Variants in MSI2 observed in about 807,000 individuals in gnomAD.
MSI2 encodes the protein musashi RNA binding protein 2.
A neutral mutation model predicts 45.6 loss-of-function variants in MSI2; 17 were observed. That is an observed-to-expected ratio of 0.37 (90% CI 0.26 to 0.56). The LOEUF is 0.56. Ranked by LOEUF, MSI2 falls within the 20% of genes least tolerant of loss-of-function variation. The probability of loss-of-function intolerance (pLI) is 0.77; values close to 1 mark genes in which losing one functional copy is unlikely to be tolerated. For missense variants in MSI2, 293 were observed against 444.2 expected (o/e 0.66, Z 3.06); for synonymous variants, 156 against 158.2 (o/e 0.99, Z 0.11).
rs564583225 is a variant in MSI2 at position 57,673,500 on chromosome 17, C to T, written c.791-1472C>T. On this transcript the variant is annotated intron_variant, in intron 11 of 13. Coordinates refer to ENST00000284073, the MANE Select transcript of MSI2 (RefSeq NM_138962.4). ...TCTCAGAATGTCTGGTTCTTTAAGA[C>T]GGGTTAGCCGTAGCCCAAAGGTAGC... Among the ~76,000 whole-genome samples the T allele has an allele frequency of 5.4e-4, 82 of 152,284 alleles. 1 individual carries two copies. Among genetic ancestry groups the T allele is most frequent in the Admixed American group, 2.7e-3 (41 of 15,300 alleles).
At chr17:57,498,222 T>G (rs1249817472) in intron 6 of MSI2, among the ~76,000 whole-genome samples, 1 of 152,268 alleles carries the variant, frequency 6.6e-6, no homozygotes, top group African/African-American at 2.4e-5. Context: ...TTTTTCTTGC[T>G]GCAACAAGGC....
intron 5 of MSI2, among the ~76,000 whole-genome samples, chr17:57,324,552 A>T (rs564381599): frequency 6.6e-6 from 1 of 152,306 alleles, no homozygotes; most frequent in African/African-American, 2.4e-5. Flanking sequence ...ATGGATACTT[A>T]TATCTATGTC....
At chr17:57,326,107 G>A (rs1266858958) in intron 5 of MSI2, among the ~76,000 whole-genome samples, 1 of 152,106 alleles carries the variant, frequency 6.6e-6, no homozygotes, top group Non-Finnish European at 1.5e-5. Context: ...GTTGTTTGCT[G>A]CTGCTGCTTT....
chr17:57,614,718 A>T (rs1470421061), intron 8 of MSI2, among the ~76,000 whole-genome samples: 5 of 152,198 alleles, frequency 3.3e-5, no homozygotes. Context: ...TTCTCTGTAA[A>T]CAAAAAGCAA....
chr17:57,603,175 A>ACT (rs1166919572), intron 8 of MSI2, among the ~76,000 whole-genome samples: 5 of 152,216 alleles, frequency 3.3e-5, no homozygotes, highest in African/African-American at 1.2e-4. Flanking sequence ...TCCCAGAGGA[A>ACT]GCTCTCAGTG....
chr17:57,369,402 T>G lies in MSI2; in HGVS notation c.313-31977T>G, dbSNP rs141763882. Among the ~76,000 whole-genome samples, 8 of 152,212 alleles carry G rather than the reference T, an allele frequency of 5.3e-5. No individual in the cohort carries two copies. In the East Asian group the frequency reaches 1.4e-3, roughly 26 times the overall value. On this transcript the variant is annotated intron_variant, in intron 5 of 13. Transcript: ENST00000284073. ...CTAAGCAGCATGACCTTGGGAAGGGTCTTGAGTCTTTGAGCCTGTTTGTCC... is the reference window on the plus strand; with the variant it reads ...CTAAGCAGCATGACCTTGGGAAGGGGCTTGAGTCTTTGAGCCTGTTTGTCC...
intron 9 of MSI2, among the ~76,000 whole-genome samples, chr17:57,617,898 C>T (rs1307086666): frequency 6.6e-6 from 1 of 152,060 alleles, no homozygotes; most frequent in Non-Finnish European, 1.5e-5. Context: ...TGGTGAAACC[C>T]TGTCTCTACT....
chr17:57,261,285 C>T (rs1907281083), intron 4 of MSI2, among the ~76,000 whole-genome samples: 1 of 151,612 alleles, frequency 6.6e-6, no homozygotes, highest in South Asian at 2.1e-4. Flanking sequence ...TTTTTCCACT[C>T]GGATTGAGGT....
chr17:57,577,244 C>A (rs2144346887), intron 7 of MSI2, among the ~76,000 whole-genome samples: 1 of 152,338 alleles, frequency 6.6e-6, no homozygotes, highest in African/African-American at 2.4e-5. Context: ...AATTTAGCAA[C>A]ACCTCAAGAT....
intron 5 of MSI2, among the ~76,000 whole-genome samples, chr17:57,285,296 T>A (rs1200867503): frequency 6.6e-6 from 1 of 152,212 alleles, no homozygotes; most frequent in Non-Finnish European, 1.5e-5. Context: ...AAAGCCTTTT[T>A]GTTTTCTTTT....
chr17:57,668,864 G>A (rs1164978783), intron 11 of MSI2, among the ~76,000 whole-genome samples: 3 of 152,110 alleles, frequency 2.0e-5, no homozygotes, highest in East Asian at 1.9e-4. Flanking sequence ...ACTACATTGT[G>A]TATAAAATTG....
chr17:57,677,686 T>G (rs1412749604), intron 13 of MSI2, among the ~76,000 whole-genome samples: 1 of 152,262 alleles, frequency 6.6e-6, no homozygotes, highest in Non-Finnish European at 1.5e-5. Flanking sequence ...CGACATCACC[T>G]GTGTAACATG....
chr17:57,563,092 C>T (rs139162209), intron 7 of MSI2, among the ~76,000 whole-genome samples: 1,512 of 101,002 alleles, frequency 0.015, 31 homozygotes, highest in African/African-American at 0.063. Flanking sequence ...AGCAAAACTT[C>T]GTCTCCAAAA....
In MSI2 at chr17:57,373,321, C is replaced by G. The variant is rs137866843; in HGVS notation, c.313-28058C>G. Among the ~76,000 whole-genome samples, 916 of 152,206 alleles carry G rather than the reference C, an allele frequency of 6.0e-3. 12 individuals are homozygous for G. The highest frequency in any genetic ancestry group is 0.02 in the South Asian group (94 of 4,820). ...TACAGATAAGAAAACTGAGGCCCAA[C>G]AAACATTAGTAATTGCCTCACCCCA... is the stretch of plus-strand genomic sequence containing the variant. On this transcript the variant is annotated intron_variant, in intron 5 of 13. Transcript: ENST00000284073.
chr17:57,688,742 T>A (rs1261160430), downstream of MSI2, among the ~76,000 whole-genome samples: 2 of 152,016 alleles, frequency 1.3e-5, no homozygotes, highest in Non-Finnish European at 2.9e-5. Flanking sequence ...AAGAAAGGGG[T>A]ACACTCTAGG....
At chr17:57,376,573 G>T (rs1461459827) in intron 5 of MSI2, among the ~76,000 whole-genome samples, 1 of 152,204 alleles carries the variant, frequency 6.6e-6, no homozygotes. Flanking sequence ...ATTGACTGGA[G>T]ATCTGGGTTT....
chr17:57,632,054 C>T, intron 10 of MSI2: 2 of 1,334,642 alleles, frequency 1.5e-6, no homozygotes, highest in Non-Finnish European at 9.5e-7. Context: ...TCCCACTTTG[C>T]TTCTTGTATG....
intron 5 of MSI2, among the ~76,000 whole-genome samples, chr17:57,392,351 AG>A (rs953551432): frequency 1.3e-5 from 2 of 152,292 alleles, no homozygotes; most frequent in African/African-American, 4.8e-5. Context: ...CTCTGAGATG[AG>A]GGTGGGGAGC....
chr17:57,557,383 T>C (rs1432596013), intron 7 of MSI2, among the ~76,000 whole-genome samples: 2 of 152,266 alleles, frequency 1.3e-5, no homozygotes. Context: ...GACATCATGA[T>C]GGAGTCTTCA....
Sources: gnomAD v4.1 joint callset for allele counts (sites outside exome capture counted in the v4.1 genomes callset) on GRCh38, gnomAD v4.1.1 for gene constraint, MANE v1.5 for transcripts, NCBI Gene and HGNC (gene_info 2026-07-23, HGNC 2026-07-21) for gene names.